The following NSUN6 variants were observed in gnomAD, a reference collection of about 807,000 sequenced individuals.
NSUN6 encodes NOP2/Sun RNA methyltransferase 6.
NSUN6 carries 64 observed loss-of-function variants against 58.0 expected under a neutral mutation model. That is an observed-to-expected ratio of 1.10 (90% CI 0.90 to 1.36). The LOEUF is 1.36. Ranked by LOEUF, NSUN6 falls within the 40% of genes most tolerant of loss-of-function variation. The probability of loss-of-function intolerance (pLI) is 0.00; values close to 1 mark genes in which losing one functional copy is unlikely to be tolerated. For missense variants in NSUN6, 701 were observed against 550.1 expected (o/e 1.27, Z -2.74); for synonymous variants, 231 against 193.9 (o/e 1.19, Z -1.59).
At chr10:18,649,649 A>C (rs368518259) in intron 1 of NSUN6, among the ~76,000 whole-genome samples, 51 of 152,002 alleles carry the variant, frequency 3.4e-4, no homozygotes, top group African/African-American at 1.1e-3. Context: ...AAAAAGGCAT[A>C]AAACTTAATA....
At chr10:18,587,494 G>A (rs1186421577) in intron 7 of NSUN6, among the ~76,000 whole-genome samples, 1 of 152,068 alleles carries the variant, frequency 6.6e-6, no homozygotes, top group East Asian at 1.9e-4. Context: ...AATTTGGGAG[G>A]GGCCAAGAGA....
intron 5 of NSUN6, among the ~76,000 whole-genome samples, chr10:18,612,441 C>G (rs1316835197): frequency 6.6e-6 from 1 of 152,050 alleles, no homozygotes; most frequent in East Asian, 1.9e-4. Flanking sequence ...AAAGTCAGTC[C>G]TTTGTTGTGA....
At chr10:18,643,949 T>G (rs2131576623) in intron 2 of NSUN6, among the ~76,000 whole-genome samples, 1 of 152,360 alleles carries the variant, frequency 6.6e-6, no homozygotes, top group Middle Eastern at 3.4e-3. Flanking sequence ...ACACACGTTT[T>G]TTTCCAAACC....
At position 18,547,875 on chromosome 10, in the gene NSUN6, C is replaced by T. The variant is rs149007672; in HGVS notation, c.1197+237G>A. On this transcript the variant is annotated intron_variant, in intron 10 of 10. Coordinates refer to ENST00000377304, the MANE Select transcript of NSUN6 (RefSeq NM_182543.5). The stretch of plus-strand genomic sequence containing the variant: ...AAGGGGAATAAACACATAACAAAAA[C>T]ACTCCCAAGCTCTGTGCCATTTTAA... 3.8e-3 allele frequency among the ~76,000 whole-genome samples: 580 copies of T among 152,218 alleles called. 5 individuals are homozygous for T. The highest frequency in any genetic ancestry group is 0.013 in the African/African-American group (529 of 41,540).
intron 3 of NSUN6, among the ~76,000 whole-genome samples, chr10:18,635,028 C>A (rs139512059): frequency 1.6e-4 from 24 of 152,250 alleles, no homozygotes; most frequent in Admixed American, 7.8e-4. Context: ...GTACAAGGTA[C>A]AAACATGTTT....
chr10:18,553,460 G>A (rs1204094291), intron 8 of NSUN6, among the ~76,000 whole-genome samples: 1 of 151,464 alleles, frequency 6.6e-6, no homozygotes, highest in Non-Finnish European at 1.5e-5. Context: ...GAATGGAATG[G>A]AGAATGAACT....
intron 6 of NSUN6, among the ~76,000 whole-genome samples, chr10:18,608,729 C>T (rs952648394): frequency 6.6e-6 from 1 of 150,736 alleles, no homozygotes; most frequent in Non-Finnish European, 1.5e-5. Context: ...ACATTATTAA[C>T]TGGAAGGAGT....
At position 18,648,664 on chromosome 10, in the gene NSUN6, T is replaced by C. The variant is rs781008282; in HGVS notation, c.76-19A>G. The C allele has an allele frequency of 1.4e-6, 2 of 1,466,944 alleles. No individual in the cohort carries two copies. The highest frequency in any genetic ancestry group is 3.5e-5 in the Admixed American group (2 of 56,826). 90.9% of individuals were successfully genotyped at this position (1,466,944 alleles called of 1,614,324 possible). A position where few individuals can be genotyped will look rare whatever the true frequency, so the allele number is the denominator to read the frequency against. ...TCACAATCTAAAAAGAAGTTCATGTTTAAATTTCCTGAGAATTAAAAACAG... is the reference window on the plus strand; with the variant it reads ...TCACAATCTAAAAAGAAGTTCATGTCTAAATTTCCTGAGAATTAAAAACAG... On this transcript the variant is annotated intron_variant, in intron 1 of 10. Coordinates refer to ENST00000377304, the MANE Select transcript of NSUN6 (RefSeq NM_182543.5).
intron 6 of NSUN6, among the ~76,000 whole-genome samples, chr10:18,599,230 G>C (rs1417112879): frequency 6.6e-6 from 1 of 151,974 alleles, no homozygotes; most frequent in East Asian, 1.9e-4. Flanking sequence ...GTAGAGATGG[G>C]GTAGCACTAT....
intron 8 of NSUN6, among the ~76,000 whole-genome samples, chr10:18,554,851 G>A (rs1296052899): frequency 6.6e-6 from 1 of 151,338 alleles, no homozygotes; most frequent in Non-Finnish European, 1.5e-5. Context: ...GGAATGGAAT[G>A]GAGAATGGAC....
chr10:18,657,451 C>CA (rs2059789488), upstream of NSUN6, among the ~76,000 whole-genome samples: 3 of 152,080 alleles, frequency 2.0e-5, no homozygotes, highest in East Asian at 5.8e-4. Context: ...TTCAAAGAAA[C>CA]AAAACCAATA....
chr10:18,601,092 A>G lies in NSUN6; in HGVS notation c.658-4765T>C, dbSNP rs1237780987. Among the ~76,000 whole-genome samples, 3 of 150,114 alleles carry G rather than the reference A, an allele frequency of 2.0e-5. No individual in the cohort carries two copies. The East Asian group carries it at 5.9e-4, about 29-fold the overall frequency. On this transcript the variant is annotated intron_variant, in intron 6 of 10. Coordinates refer to ENST00000377304, the MANE Select transcript of NSUN6 (RefSeq NM_182543.5). ...TGAACTACCTCATCTTCTCAAGTTA[A>G]CCAGTTATTGAATGTCATTCAAGAA...
intron 8 of NSUN6, among the ~76,000 whole-genome samples, chr10:18,571,884 T>C (rs1669788648): frequency 6.6e-6 from 1 of 151,550 alleles, no homozygotes; most frequent in African/African-American, 2.4e-5. Context: ...CTATTCTCCA[T>C]TCCATTCCAT....
At chr10:18,589,028 G>A (rs1195680177) in intron 7 of NSUN6, among the ~76,000 whole-genome samples, 1 of 152,140 alleles carries the variant, frequency 6.6e-6, no homozygotes, top group Non-Finnish European at 1.5e-5. Flanking sequence ...TTGATAAAAG[G>A]TTACAGGAAT....
intron 8 of NSUN6, among the ~76,000 whole-genome samples, chr10:18,569,121 C>T (rs1260170271): frequency 6.6e-6 from 1 of 150,536 alleles, no homozygotes; most frequent in Non-Finnish European, 1.5e-5. Flanking sequence ...CCATCCGTTA[C>T]ATTCTCCATT....
chr10:18,635,780 G>C (rs1182075233), intron 3 of NSUN6, among the ~76,000 whole-genome samples: 4 of 151,816 alleles, frequency 2.6e-5, no homozygotes, highest in Non-Finnish European at 1.5e-5. Flanking sequence ...AGGGGTTGCA[G>C]TGAGCCGAGA....
upstream of NSUN6, among the ~76,000 whole-genome samples, chr10:18,656,385 A>G (rs1275383550): frequency 6.6e-6 from 1 of 152,180 alleles, no homozygotes; most frequent in Non-Finnish European, 1.5e-5. Context: ...AAAAATACAA[A>G]AATTAACTGG....
At chr10:18,572,912 C>T (rs1164134316) in intron 8 of NSUN6, among the ~76,000 whole-genome samples, 4 of 151,098 alleles carry the variant, frequency 2.6e-5, no homozygotes, top group East Asian at 4.0e-4. Flanking sequence ...TTTTCCATTC[C>T]ATTCCATCCT....
At chr10:18,574,024 C>T (rs574889924) in intron 8 of NSUN6, among the ~76,000 whole-genome samples, 1 of 152,102 alleles carries the variant, frequency 6.6e-6, no homozygotes, top group South Asian at 2.1e-4. Context: ...TCATAACTGC[C>T]CCTGTTTTAG....
Sources: gnomAD v4.1 joint callset for allele counts (sites outside exome capture counted in the v4.1 genomes callset) on GRCh38, gnomAD v4.1.1 for gene constraint, MANE v1.5 for transcripts, NCBI Gene and HGNC (gene_info 2026-07-23, HGNC 2026-07-21) for gene names.